DNAH9: variants seen among roughly 807,000 people sequenced by gnomAD.
The protein encoded by DNAH9 is dynein axonemal heavy chain 9, also known as DNAH9 variant protein.
DNAH9 carries 345 observed loss-of-function variants against 471.6 expected under a neutral mutation model. That is an observed-to-expected ratio of 0.73 (90% CI 0.67 to 0.80). The LOEUF (loss-of-function observed/expected upper bound fraction) is 0.80, where lower values mean the gene tolerates loss of function less well. DNAH9 is among the 30% of genes least tolerant of loss of function. The probability of loss-of-function intolerance (pLI) is 0.00; values close to 1 mark genes in which losing one functional copy is unlikely to be tolerated. For synonymous variants in DNAH9, 2,093 were observed against 2,123.6 expected (o/e 0.99, Z 0.40); for missense variants, 5,407 against 5,609.2 (o/e 0.96, Z 1.15).
At chr17:11,907,970 G>A (rs1973663522) in intron 61 of DNAH9, among the ~76,000 whole-genome samples, 1 of 152,144 alleles carries the variant, frequency 6.6e-6, no homozygotes, top group Non-Finnish European at 1.5e-5. Context: ...TGAAAAACAA[G>A]GATTTAGCGT....
chr17:11,682,431 C>A (rs1229555996), intron 19 of DNAH9, among the ~76,000 whole-genome samples: 1 of 151,778 alleles, frequency 6.6e-6, no homozygotes, highest in South Asian at 2.1e-4. Context: ...GTGTTCTGGG[C>A]AAACTGGATG....
intron 50 of DNAH9, among the ~76,000 whole-genome samples, chr17:11,868,751 C>T (rs1972153152): frequency 6.6e-6 from 1 of 152,000 alleles, no homozygotes. Flanking sequence ...CTACTGGAAC[C>T]CATTTTTCTC....
intron 41 of DNAH9, among the ~76,000 whole-genome samples, chr17:11,785,935 G>T (rs1231685624): frequency 6.6e-6 from 1 of 152,194 alleles, no homozygotes; most frequent in Non-Finnish European, 1.5e-5. Context: ...CAGGCCTCAG[G>T]ACTGGACAGC....
chr17:11,777,987 T>C (rs974429260), intron 38 of DNAH9, among the ~76,000 whole-genome samples: 3 of 151,934 alleles, frequency 2.0e-5, no homozygotes, highest in Non-Finnish European at 4.4e-5. Flanking sequence ...AGGTAACAAG[T>C]GATGTAAAGA....
chr17:11,866,034 G>C (rs994146352), intron 50 of DNAH9, among the ~76,000 whole-genome samples: 1 of 152,170 alleles, frequency 6.6e-6, no homozygotes. Context: ...GTCATTCTCC[G>C]TCCAGCTTTG....
chr17:11,659,948 C>T, intron 14 of DNAH9, among the ~76,000 whole-genome samples: 1 of 152,320 alleles, frequency 6.6e-6, no homozygotes, highest in East Asian at 1.9e-4. Context: ...ATCTGTAGTG[C>T]TGCATCCTTT....
chr17:11,850,433 G>T (rs1358755421), intron 49 of DNAH9, among the ~76,000 whole-genome samples: 1 of 152,130 alleles, frequency 6.6e-6, no homozygotes, highest in Non-Finnish European at 1.5e-5. Flanking sequence ...TGGATCATTT[G>T]AGGTCAGGAG....
At chr17:11,936,647 C>A (rs1393387072) in intron 65 of DNAH9, among the ~76,000 whole-genome samples, 2 of 151,866 alleles carry the variant, frequency 1.3e-5, no homozygotes, top group Non-Finnish European at 2.9e-5. Flanking sequence ...GTCTCACACA[C>A]ACACAATAAA....
chr17:11,784,177 A>G, intron 40 of DNAH9, 123 bp from the exon 41 acceptor site: 1 of 1,477,746 alleles, frequency 6.8e-7, no homozygotes. Flanking sequence ...ATAGTGTGAG[A>G]GATGGGACCA....
At chr17:11,792,656 T>G (rs1969105811) in intron 41 of DNAH9, among the ~76,000 whole-genome samples, 1 of 152,238 alleles carries the variant, frequency 6.6e-6, no homozygotes, top group Non-Finnish European at 1.5e-5. Flanking sequence ...AATAGATTGC[T>G]GACCTGCCAA....
chr17:11,920,226 G>A (rs1974093492), intron 61 of DNAH9, among the ~76,000 whole-genome samples: 1 of 151,534 alleles, frequency 6.6e-6, no homozygotes, highest in Non-Finnish European at 1.5e-5. Flanking sequence ...AGTAGAAAAG[G>A]GGTTTCTCCA....
At chr17:11,725,171 C>T (rs888356365) in intron 27 of DNAH9, among the ~76,000 whole-genome samples, 1 of 152,190 alleles carries the variant, frequency 6.6e-6, no homozygotes, top group Admixed American at 6.5e-5. Flanking sequence ...TCCTGCTGTG[C>T]GGCCTGGTTC....
chr17:11,667,786 T>G (rs779643859), intron 15 of DNAH9, among the ~76,000 whole-genome samples: 15 of 152,166 alleles, frequency 9.9e-5, no homozygotes, highest in Non-Finnish European at 2.2e-4. Context: ...TCACCTGCAG[T>G]CTCAAGAGTC....
Position 11,905,652 on chromosome 17 carries a change from T to C in DNAH9, c.11601-9T>C, listed in dbSNP as rs749024729. ...ATGTATAAATCTATATGTGCTTTTT[T>C]TCTGGCAGAGATTTTGTTGAAGAGA... On this transcript the variant is annotated splice_polypyrimidine_tract_variant and intron_variant, in intron 60 of 68. Transcript: ENST00000262442. 3 of 1,613,390 alleles carry C rather than the reference T, an allele frequency of 1.9e-6. No individual in the cohort carries two copies. The highest frequency in any genetic ancestry group is 2.5e-6 in the Non-Finnish European group (3 of 1,179,708).
At position 11,834,277 on chromosome 17, in the gene DNAH9, C is replaced by T. The variant is rs373994181; in HGVS notation, c.9247-361C>T. Among the ~76,000 whole-genome samples, 15 of 124,584 alleles carry T rather than the reference C, an allele frequency of 1.2e-4. No homozygotes were observed. In the East Asian group the frequency reaches 1.5e-3, roughly 12 times the overall value. The allele number at this position is 124,584 out of a possible 152,430, so 81.7% of individuals were successfully genotyped here. ...CCAGGAGGCGGAGGTTGCAGTGAGC[C>T]GAGATCACGCCACTGAATTCCAGTC... On this transcript the variant is annotated intron_variant, in intron 48 of 68. Transcript: ENST00000262442.
intron 30 of DNAH9, among the ~76,000 whole-genome samples, chr17:11,742,890 A>G (rs1031333638): frequency 2.0e-5 from 3 of 152,210 alleles, no homozygotes; most frequent in Non-Finnish European, 4.4e-5. Context: ...CTTTACTGCC[A>G]TAAAACAGGC....
In DNAH9 at chr17:11,875,170, G is replaced by C; in HGVS notation, c.10464G>C (p.Gln3488His). Reference sequence around the variant, plus strand: ...ATGGTGAAGATCTCCGGGTCACGCAGATTGGTCAGAAAGGGTAAGTGGTTG... The same window carrying C: ...ATGGTGAAGATCTCCGGGTCACGCACATTGGTCAGAAAGGGTAAGTGGTTG... ...NKYGEDLRVT[Q>H]IGQKGYLQII... Residue 3488 changes from glutamine (Q) to histidine (H), a missense_variant, in exon 53 of 69, where the codon CAG becomes CAC. Coordinates refer to ENST00000262442, the MANE Select transcript of DNAH9 (RefSeq NM_001372.4). 6.2e-7 allele frequency: 1 copy of C among 1,612,284 alleles called. No individual in the cohort carries two copies. Among genetic ancestry groups the C allele is most frequent in the Non-Finnish European group, 8.5e-7 (1 of 1,179,412 alleles).
At position 11,807,730 on chromosome 17, in the gene DNAH9, A is replaced by G. The variant is rs775176813; in HGVS notation, c.8421-2A>G. 1.2e-6 allele frequency: 2 copies of G among 1,602,688 alleles called. No homozygotes were observed. The highest frequency in any genetic ancestry group is 2.2e-5 in the South Asian group (2 of 90,666). ...AACATGTGCCTGCTTCCTTCTCTTT[A>G]GCTGCCATATCAATCGCATCTTGGA... On this transcript the variant is annotated splice_acceptor_variant, in intron 43 of 68. Coordinates refer to ENST00000262442, the MANE Select transcript of DNAH9 (RefSeq NM_001372.4). LOFTEE classifies it high-confidence loss of function.
chr17:11,792,675 A>G (rs1449840153), intron 41 of DNAH9, among the ~76,000 whole-genome samples: 8 of 152,258 alleles, frequency 5.3e-5, no homozygotes, highest in Admixed American at 2.6e-4. Flanking sequence ...AAGGTTAGCT[A>G]TATCCCTTCT....
Sources: allele counts gnomAD v4.1 joint callset (sites outside exome capture counted in the v4.1 genomes callset), GRCh38; gene constraint gnomAD v4.1.1; transcripts MANE v1.5; gene names NCBI Gene and HGNC (gene_info 2026-07-23, HGNC 2026-07-21).